ROPN1L: variants seen among roughly 807,000 people sequenced by gnomAD.
ROPN1L encodes ropporin-1-like protein.
ROPN1L carries 23 observed loss-of-function variants against 22.7 expected under a neutral mutation model. The observed-to-expected ratio is 1.01, with a 90% CI of 0.73 to 1.43. The LOEUF is 1.43. Among genes scored for constraint, ROPN1L ranks in the 40% most tolerant of loss-of-function variants. The probability of loss-of-function intolerance (pLI) is 0.00; values close to 1 mark genes in which losing one functional copy is unlikely to be tolerated. For synonymous variants in ROPN1L, 116 were observed against 117.8 expected, an observed-to-expected ratio of 0.98 and a Z score of 0.10; for missense variants, 271 against 291.5, an observed-to-expected ratio of 0.93 and a Z score of 0.51.
chr5:10,476,011 G>A (rs1448803334), downstream of ROPN1L, among the ~76,000 whole-genome samples: 1 of 152,228 alleles, frequency 6.6e-6, no homozygotes, highest in Non-Finnish European at 1.5e-5. Context: ...GCAGTTCATA[G>A]GAAGGTGAAG....
chr5:10,469,196 G>C (rs191215723), downstream of ROPN1L, among the ~76,000 whole-genome samples: 1 of 151,748 alleles, frequency 6.6e-6, no homozygotes, highest in African/African-American at 2.4e-5. Context: ...TGGAGCGTTT[G>C]CTGGCACTGT....
At chr5:10,458,297 C>G (rs1219796673) in intron 3 of ROPN1L, among the ~76,000 whole-genome samples, 2 of 151,934 alleles carry the variant, frequency 1.3e-5, no homozygotes, top group African/African-American at 2.4e-5. Context: ...TTTCAAGTCC[C>G]CATGCTGGTC....
chr5:10,465,524 C>A (rs7706728), downstream of ROPN1L, among the ~76,000 whole-genome samples: 27,484 of 146,814 alleles, frequency 0.19, 3,763 homozygotes, highest in East Asian at 0.66. Flanking sequence ...CAAAAAAAAA[C>A]AAAAACAAAA....
downstream of ROPN1L, among the ~76,000 whole-genome samples, chr5:10,469,705 T>A (rs1282222202): frequency 2.0e-5 from 3 of 152,202 alleles, no homozygotes; most frequent in Non-Finnish European, 4.4e-5. Flanking sequence ...AACGAGTGGC[T>A]TATTTGGTTT....
intron 2 of ROPN1L, among the ~76,000 whole-genome samples, chr5:10,449,348 G>A (rs1741178983): frequency 6.6e-6 from 1 of 152,076 alleles, no homozygotes; most frequent in African/African-American, 2.4e-5. Context: ...GTGAAACTTT[G>A]TCTCCAATAA....
chr5:10,474,683 T>G (rs541808364), downstream of ROPN1L, among the ~76,000 whole-genome samples: 37 of 152,270 alleles, frequency 2.4e-4, no homozygotes, highest in Non-Finnish European at 1.9e-4. Flanking sequence ...GCTTGGACGC[T>G]CCACCCATGG....
chr5:10,451,928 A>AATAAATCTATCT (rs1741263804), intron 3 of ROPN1L, among the ~76,000 whole-genome samples: 1 of 150,520 alleles, frequency 6.6e-6, no homozygotes, highest in Non-Finnish European at 1.5e-5. Context: ...AACTCTGTGA[A>AATAAATCTATCT]ATCTATCTAT....
At chr5:10,480,976 G>T in the ROPN1L span, among the ~76,000 whole-genome samples, 1 of 152,096 alleles carries the variant, frequency 6.6e-6, no homozygotes, top group Non-Finnish European at 1.5e-5. Flanking sequence ...CTTCCAGATC[G>T]TCTGTTTCTT....
chr5:10,463,063 C>T (rs949579920), intron 4 of ROPN1L, among the ~76,000 whole-genome samples: 5 of 152,168 alleles, frequency 3.3e-5, no homozygotes, highest in Admixed American at 6.5e-5. Flanking sequence ...ACATCAGCCA[C>T]GCAATTCTCA....
At chr5:10,464,232 A>ACC (rs1351717168) in intron 4 of ROPN1L, among the ~76,000 whole-genome samples, 1 of 150,914 alleles carries the variant, frequency 6.6e-6, no homozygotes, top group Non-Finnish European at 1.5e-5. Context: ...TGTCACTCCA[A>ACC]CCCTCCTGTC....
downstream of ROPN1L, among the ~76,000 whole-genome samples, chr5:10,473,186 A>G (rs1444855030): frequency 1.3e-5 from 2 of 152,214 alleles, no homozygotes; most frequent in African/African-American, 4.8e-5. Flanking sequence ...AGTGACTCCC[A>G]GAAAGATATG....
intron 4 of ROPN1L, among the ~76,000 whole-genome samples, chr5:10,471,304 AT>A (rs1735241207): frequency 6.6e-6 from 1 of 151,452 alleles, no homozygotes; most frequent in South Asian, 2.1e-4. Flanking sequence ...CTGCTGGCTA[AT>A]TTTTTGTACT....
At chr5:10,466,627 C>T (rs1415619274), downstream of ROPN1L, among the ~76,000 whole-genome samples, 1 of 152,080 alleles carries the variant, frequency 6.6e-6, no homozygotes. Context: ...AGTGTGGAGA[C>T]GCGCGGCAGC....
At chr5:10,465,469 C>T (rs753041859), downstream of ROPN1L, among the ~76,000 whole-genome samples, 2 of 150,850 alleles carry the variant, frequency 1.3e-5, no homozygotes, top group African/African-American at 2.4e-5. Flanking sequence ...GAGCCGAGAT[C>T]GCGCCACTGC....
Position 10,442,855 on chromosome 5 carries a change from A to G in ROPN1L, c.131+557A>G, listed in dbSNP as rs145509458. 1.1e-4 allele frequency among the ~76,000 whole-genome samples: 16 copies of G among 152,346 alleles called. No homozygotes were observed. In the East Asian group the frequency reaches 3.1e-3, roughly 29 times the overall value. ...GCTTCACAGTTTATTTTTTGCCACA[A>G]ACATTCCAACACTTGCCAGGAACAG... On this transcript the variant is annotated intron_variant, in intron 1 of 4. Coordinates refer to ENST00000274134, the MANE Select transcript of ROPN1L (RefSeq NM_031916.5).
intron 2 of ROPN1L, 83 bp from the exon 3 acceptor site, chr5:10,449,869 G>A: frequency 8.3e-7 from 1 of 1,200,230 alleles, no homozygotes; most frequent in Non-Finnish European, 1.2e-6. Context: ...CGGGTTACTT[G>A]GTGTGTGTTG....
intron 1 of ROPN1L, among the ~76,000 whole-genome samples, chr5:10,446,069 G>C (rs1025086873): frequency 6.6e-6 from 1 of 152,242 alleles, no homozygotes; most frequent in African/African-American, 2.4e-5. Flanking sequence ...TCCACTGTGA[G>C]GGGAGTCGGC....
intron 1 of ROPN1L, among the ~76,000 whole-genome samples, chr5:10,443,057 C>T (rs1477456062): frequency 6.6e-6 from 1 of 152,134 alleles, no homozygotes; most frequent in Non-Finnish European, 1.5e-5. Context: ...TTTTAGTCAT[C>T]AACATTTCAA....
chr5:10,467,874 C>T (rs1735180549), downstream of ROPN1L, among the ~76,000 whole-genome samples: 1 of 152,222 alleles, frequency 6.6e-6, no homozygotes, highest in Admixed American at 6.5e-5. Flanking sequence ...AGGATAAGCA[C>T]TCATCTGCCC....
Sources: allele counts gnomAD v4.1 joint callset (sites outside exome capture counted in the v4.1 genomes callset), GRCh38; gene constraint gnomAD v4.1.1; transcripts MANE v1.5; gene names NCBI Gene and HGNC (gene_info 2026-07-23, HGNC 2026-07-21).